FKBP5: variants seen among roughly 807,000 people sequenced by gnomAD.
FKBP5 encodes FKBP prolyl isomerase 5.
FKBP5 carries 23 observed loss-of-function variants against 50.5 expected under a neutral mutation model. The ratio of observed to expected loss-of-function variants is 0.46; its 90% confidence interval spans 0.33 to 0.65. The LOEUF is 0.65. Ranked by LOEUF, FKBP5 falls within the 30% of genes least tolerant of loss-of-function variation. The pLI is 0.02. For synonymous variants in FKBP5, 176 were observed against 190.6 expected (o/e 0.92, Z 0.63); for missense variants, 411 against 553.1 (o/e 0.74, Z 2.58).
chr6:35,648,169 C>T (rs896256228), intron 1 of FKBP5, among the ~76,000 whole-genome samples: 2 of 152,162 alleles, frequency 1.3e-5, no homozygotes, highest in Admixed American at 1.3e-4. Context: ...TCCTAATGTG[C>T]AGTCAGACAT....
intron 8 of FKBP5, chr6:35,583,117 T>C (rs1158163708): frequency 2.0e-6 from 2 of 985,298 alleles, no homozygotes. Context: ...CAAAACCTTT[T>C]GCTATCATTG....
upstream of FKBP5, among the ~76,000 whole-genome samples, chr6:35,693,076 TAAAAAAAAAA>T (rs35498093): frequency 1.2e-5 from 1 of 80,784 alleles, no homozygotes; most frequent in African/African-American, 5.2e-5. Flanking sequence ...TCTTTTCAGC[TAAAAAAAAAA>T]AAAAAAAAAA....
At chr6:35,623,057 A>G (rs1039361167) in intron 3 of FKBP5, among the ~76,000 whole-genome samples, 1 of 152,056 alleles carries the variant, frequency 6.6e-6, no homozygotes, top group South Asian at 2.1e-4. Context: ...CCTGGCTCAC[A>G]CGGTGAAACC....
chr6:35,645,572 A>C (rs1320200783), intron 1 of FKBP5, among the ~76,000 whole-genome samples: 1 of 152,238 alleles, frequency 6.6e-6, no homozygotes, highest in Non-Finnish European at 1.5e-5. Flanking sequence ...ACAAAATATA[A>C]GAACTTGGAA....
chr6:35,695,006 CTTTA>C (rs1382295100), intron 2 of FKBP5, among the ~76,000 whole-genome samples: 1 of 152,150 alleles, frequency 6.6e-6, no homozygotes, highest in Non-Finnish European at 1.5e-5. Flanking sequence ...CCCAACAAAA[CTTTA>C]TTTACAAAAA....
chr6:35,588,455 A>G (rs1195669587), intron 7 of FKBP5, among the ~76,000 whole-genome samples: 1 of 152,192 alleles, frequency 6.6e-6, no homozygotes, highest in Non-Finnish European at 1.5e-5. Context: ...AGCACCCAAA[A>G]AACAAAAACA....
At chr6:35,588,176 C>T (rs774400086) in intron 7 of FKBP5, among the ~76,000 whole-genome samples, 14 of 151,924 alleles carry the variant, frequency 9.2e-5, no homozygotes, top group African/African-American at 1.7e-4. Context: ...CAGGCATGCA[C>T]CACCATGCCC....
intron 2 of FKBP5, among the ~76,000 whole-genome samples, chr6:35,694,171 G>T (rs1327211347): frequency 6.6e-6 from 1 of 151,918 alleles, no homozygotes; most frequent in Non-Finnish European, 1.5e-5. Flanking sequence ...TTCAAGACAG[G>T]GTCTCACTCT....
In FKBP5 at chr6:35,597,454, C is replaced by T. The variant is rs751636783; in HGVS notation, c.509-50G>A. The T allele has an allele frequency of 8.3e-6, 13 of 1,566,598 alleles. No individual in the cohort carries two copies. In the East Asian group the frequency reaches 2.9e-4, roughly 36 times the overall value. ...CAACAGAGCTGCTTCTTAGGACTGG[C>T]TAATTCAGTGAAGTGATAAATGAGT... On this transcript the variant is annotated intron_variant, in intron 5 of 10. Transcript: ENST00000357266.
chr6:35,727,768 TGAGCGCTGGA>T (rs1344862015), intron 1 of FKBP5, among the ~76,000 whole-genome samples: 1 of 152,184 alleles, frequency 6.6e-6, no homozygotes, highest in African/African-American at 2.4e-5. Flanking sequence ...AAGCACGGAC[TGAGCGCTGGA>T]GAGCGCTGGC....
intron 1 of FKBP5, among the ~76,000 whole-genome samples, chr6:35,671,219 G>A (rs1188370493): frequency 6.6e-6 from 1 of 150,816 alleles, no homozygotes; most frequent in Admixed American, 6.6e-5. Context: ...AGCTGAGATC[G>A]CACCACTGCA....
At chr6:35,726,724 C>T (rs1276937550) in intron 1 of FKBP5, among the ~76,000 whole-genome samples, 2 of 152,126 alleles carry the variant, frequency 1.3e-5, no homozygotes, top group Non-Finnish European at 2.9e-5. Flanking sequence ...ACCTAACATC[C>T]AGCGTGTTTG....
intron 5 of FKBP5, among the ~76,000 whole-genome samples, chr6:35,607,274 AG>A (rs1213525817): frequency 2.0e-5 from 3 of 151,904 alleles, no homozygotes; most frequent in Non-Finnish European, 4.4e-5. Context: ...TTTGTTGCCC[AG>A]GTTAGACTGC....
intron 2 of FKBP5, among the ~76,000 whole-genome samples, chr6:35,640,921 TATA>T (rs1764467031): frequency 6.6e-6 from 1 of 152,194 alleles, no homozygotes; most frequent in Non-Finnish European, 1.5e-5. Context: ...TGCTGTCTCC[TATA>T]ATAACAATGC....
At chr6:35,683,115 CGTATATGTGTGTGTGTGTGTGT>C (rs1346509313) in intron 1 of FKBP5, among the ~76,000 whole-genome samples, 2 of 56,196 alleles carry the variant, frequency 3.6e-5, no homozygotes, top group African/African-American at 5.8e-5. Context: ...TATATATATA[CGTATATGTGTGTGTGTGTGTGT>C]GTGTGTGTGT....
At chr6:35,694,846 A>G (rs1388423990) in intron 2 of FKBP5, among the ~76,000 whole-genome samples, 1 of 152,182 alleles carries the variant, frequency 6.6e-6, no homozygotes, top group Non-Finnish European at 1.5e-5. Flanking sequence ...AACGATGTCC[A>G]GCCAACTTTT....
intron 1 of FKBP5, among the ~76,000 whole-genome samples, chr6:35,649,154 G>T (rs1764713665): frequency 6.6e-6 from 1 of 151,134 alleles, no homozygotes; most frequent in Non-Finnish European, 1.5e-5. Context: ...GGGAGGCTGA[G>T]GCAGAAGAAT....
intron 5 of FKBP5, among the ~76,000 whole-genome samples, chr6:35,615,155 T>TACAACTAC (rs1554132904): frequency 7.0e-6 from 1 of 143,444 alleles, no homozygotes; most frequent in Admixed American, 7.1e-5. Flanking sequence ...CAACAACAAC[T>TACAACTAC]ACACACACAC....
intron 1 of FKBP5, among the ~76,000 whole-genome samples, chr6:35,656,252 G>A (rs1281064365): frequency 6.6e-6 from 1 of 152,132 alleles, no homozygotes; most frequent in African/African-American, 2.4e-5. Context: ...ATGGAAGGAA[G>A]AAAAGGCCAA....
Sources: gnomAD v4.1 joint callset for allele counts (sites outside exome capture counted in the v4.1 genomes callset) on GRCh38, gnomAD v4.1.1 for gene constraint, MANE v1.5 for transcripts, NCBI Gene and HGNC (gene_info 2026-07-23, HGNC 2026-07-21) for gene names.